Variants in CLOCK observed in about 807,000 individuals in gnomAD.
CLOCK encodes clock circadian regulator.
A neutral mutation model predicts 118.4 loss-of-function variants in CLOCK; 43 were observed. The ratio of observed to expected loss-of-function variants is 0.36; its 90% CI spans 0.28 to 0.47. The LOEUF is 0.47. CLOCK is among the 20% of genes least tolerant of loss of function. CLOCK has a pLI of 1.00. For missense variants in CLOCK, 846 were observed against 999.9 expected (o/e 0.85, Z 2.08); for synonymous variants, 326 against 339.2 (o/e 0.96, Z 0.43).
chr4:55,440,807 G>A (rs1409034021), intron 21 of CLOCK, among the ~76,000 whole-genome samples: 1 of 151,980 alleles, frequency 6.6e-6, no homozygotes, highest in Non-Finnish European at 1.5e-5. Context: ...TATACTCTGG[G>A]CTCCCTCTGC....
intron 21 of CLOCK, among the ~76,000 whole-genome samples, chr4:55,441,743 G>A (rs1723387111): frequency 6.6e-6 from 1 of 152,080 alleles, no homozygotes. Context: ...GGGGGTGAGG[G>A]ATAAAAAACT....
chr4:55,456,131 T>TA (rs1219956865), intron 12 of CLOCK, 87 bp downstream of exon 12: 33 of 1,327,856 alleles, frequency 2.5e-5, no homozygotes, highest in Middle Eastern at 2.2e-4. Flanking sequence ...AGTCCTAATT[T>TA]AAAAAAAAGT....
chr4:55,519,863 G>C (rs2110057845), intron 1 of CLOCK, among the ~76,000 whole-genome samples: 1 of 152,272 alleles, frequency 6.6e-6, no homozygotes, highest in Admixed American at 6.5e-5. Context: ...ATGATGACAG[G>C]AGGGGTGGCA....
At chr4:55,462,845 TGTGTGA>T (rs1361412264) in intron 9 of CLOCK, among the ~76,000 whole-genome samples, 12 of 28,174 alleles carry the variant, frequency 4.3e-4, no homozygotes, top group East Asian at 1.8e-3. Flanking sequence ...CACACAGATT[TGTGTGA>T]GTGTGTGTGT....
intron 1 of CLOCK, among the ~76,000 whole-genome samples, chr4:55,528,368 T>A (rs557352453): frequency 4.0e-5 from 6 of 151,766 alleles, no homozygotes; most frequent in Non-Finnish European, 8.8e-5. Flanking sequence ...AATTAATTAA[T>A]TAAATATATT....
intron 15 of CLOCK, chr4:55,452,171 A>C (rs1724517443): frequency 6.6e-6 from 1 of 152,198 alleles, no homozygotes; most frequent in Non-Finnish European, 1.5e-5. Flanking sequence ...AATGCATAGA[A>C]TAGACAAAAG....
In CLOCK at chr4:55,463,818, T is replaced by A; in HGVS notation, c.439-13A>T. On this transcript the variant is annotated splice_polypyrimidine_tract_variant and intron_variant, in intron 8 of 22. Coordinates refer to ENST00000513440, the MANE Select transcript of CLOCK (RefSeq NM_004898.4). Reference sequence around the variant, plus strand: ...CCACAAGATCAGACTGAAAAGAAAATTGTTAAAAGTAAAATAACTTCAATG... The same window carrying A: ...CCACAAGATCAGACTGAAAAGAAAAATGTTAAAAGTAAAATAACTTCAATG... 1 of 1,602,198 alleles carries A rather than the reference T, an allele frequency of 6.2e-7. No homozygotes were observed. The highest frequency in any genetic ancestry group is 8.5e-7 in the Non-Finnish European group (1 of 1,172,258).
At chr4:55,515,114 T>C (rs954182992) in intron 1 of CLOCK, among the ~76,000 whole-genome samples, 5 of 152,178 alleles carry the variant, frequency 3.3e-5, no homozygotes, top group African/African-American at 1.2e-4. Context: ...TTTTGGCAGA[T>C]TGCGTCCTTC....
At chr4:55,515,132 T>C (rs1332984010) in intron 1 of CLOCK, among the ~76,000 whole-genome samples, 2 of 152,224 alleles carry the variant, frequency 1.3e-5, no homozygotes, top group African/African-American at 4.8e-5. Flanking sequence ...TTCAAGGAAT[T>C]GGTCCATTTC....
At chr4:55,476,331 C>T (rs1265692678) in intron 6 of CLOCK, among the ~76,000 whole-genome samples, 1 of 152,112 alleles carries the variant, frequency 6.6e-6, no homozygotes, top group Non-Finnish European at 1.5e-5. Context: ...CCTGAGATTG[C>T]TTCCTATTTG....
At position 55,514,315 on chromosome 4, in the gene CLOCK, A is replaced by G. The variant is rs144856903; in HGVS notation, c.-289-4250T>C. 3.6e-3 allele frequency among the ~76,000 whole-genome samples: 555 copies of G among 152,192 alleles called. 3 individuals carry two copies. Among genetic ancestry groups the G allele is most frequent in the African/African-American group, 0.013 (528 of 41,562 alleles). On this transcript the variant is annotated intron_variant, in intron 1 of 22. Coordinates refer to ENST00000513440, the MANE Select transcript of CLOCK (RefSeq NM_004898.4). ...CCCAATACCAACACCTAATTCAGTG[A>G]CGCTCTTTACTGCATTTAGGCTGTT...
rs1722396567 is a variant in CLOCK at position 55,429,968 on chromosome 4, G to T, written c.*5447C>A. ...GTGACTGCACCCCAAATCAGAGCCA[G>T]TTCCCTAAGAAGAATATGGTGCAAA... On this transcript the variant is annotated 3_prime_UTR_variant, in exon 23 of 23. Transcript: ENST00000513440. The T allele has an allele frequency of 6.6e-6, 1 of 152,162 alleles. No homozygotes were observed. Among genetic ancestry groups the T allele is most frequent in the Admixed American group, 6.5e-5 (1 of 15,284 alleles). The allele number at this position is 152,162 out of a possible 1,614,324, so 9.4% of individuals were successfully genotyped here.
intron 13 of CLOCK, among the ~76,000 whole-genome samples, chr4:55,454,705 T>C (rs1312906271): frequency 1.3e-5 from 2 of 151,072 alleles, no homozygotes; most frequent in Non-Finnish European, 2.9e-5. Flanking sequence ...TCTCAAAACC[T>C]AGAGTATGCT....
intron 22 of CLOCK, among the ~76,000 whole-genome samples, chr4:55,437,807 T>G (rs1047163158): frequency 6.6e-6 from 1 of 152,204 alleles, no homozygotes; most frequent in African/African-American, 2.4e-5. Context: ...ATAGATATAC[T>G]ACACCTCCAT....
intron 2 of CLOCK, among the ~76,000 whole-genome samples, chr4:55,492,635 A>AT (rs1481811337): frequency 6.6e-6 from 1 of 152,152 alleles, no homozygotes; most frequent in Admixed American, 6.5e-5. Flanking sequence ...ACTTGAGGTC[A>AT]TGAGTTCAAA....
Position 55,455,963 on chromosome 4 carries a change from C to G in CLOCK, c.916G>C (p.Gly306Arg), listed in dbSNP as rs1404869999. Residue 306 changes from glycine (G) to arginine (R), a missense_variant, in exon 13 of 23, where the codon GGA becomes CGA. Physicochemically the swap from Gly to Arg is moderately radical, Grantham distance 125. Coordinates refer to ENST00000513440, the MANE Select transcript of CLOCK (RefSeq NM_004898.4). ...TGATAGTAATCATAGCCTGATGTTCCCAGAACTTCAAATGGCAAATACCCT... is the reference window on the plus strand; with the variant it reads ...TGATAGTAATCATAGCCTGATGTTCGCAGAACTTCAAATGGCAAATACCCT... ...IIGYLPFEVLGTSGYDYYHVD... is the reference protein window; with the variant it reads ...IIGYLPFEVLRTSGYDYYHVD... 6.2e-7 allele frequency: 1 copy of G among 1,613,406 alleles called. No individual in the cohort carries two copies. The highest frequency in any genetic ancestry group is 1.7e-5 in the Admixed American group (1 of 59,972).
At chr4:55,477,182 C>T (rs951975474) in intron 6 of CLOCK, among the ~76,000 whole-genome samples, 3 of 151,816 alleles carry the variant, frequency 2.0e-5, no homozygotes, top group Non-Finnish European at 2.9e-5. Context: ...AACAGAAATA[C>T]TATTTTTGTG....
intron 18 of CLOCK, among the ~76,000 whole-genome samples, chr4:55,445,466 TG>T (rs1319334426): frequency 6.6e-6 from 1 of 151,998 alleles, no homozygotes; most frequent in African/African-American, 2.4e-5. Context: ...TAGCCTGGCA[TG>T]GGGGAAGAGG....
In CLOCK at chr4:55,433,507, T is replaced by C. The variant is rs1339926550; in HGVS notation, c.*1908A>G. On this transcript the variant is annotated 3_prime_UTR_variant, in exon 23 of 23. Coordinates refer to ENST00000513440, the MANE Select transcript of CLOCK (RefSeq NM_004898.4). Reference sequence around the variant, plus strand: ...TGGCTTAGCATTCCCCTGACCTCTTTACCTAGCAATTCTGCATTAGGTTAA... The same window carrying C: ...TGGCTTAGCATTCCCCTGACCTCTTCACCTAGCAATTCTGCATTAGGTTAA... 6.6e-6 allele frequency: 1 copy of C among 152,246 alleles called. No individual in the cohort carries two copies. Among genetic ancestry groups the C allele is most frequent in the African/African-American group, 2.4e-5 (1 of 41,456 alleles). The allele number at this position is 152,246 out of a possible 1,614,324, so 9.4% of individuals were successfully genotyped here. A position where few individuals can be genotyped will look rare whatever the true frequency, so the allele number is the denominator to read the frequency against.
Sources: gnomAD v4.1 joint callset for allele counts (sites outside exome capture counted in the v4.1 genomes callset) on GRCh38, gnomAD v4.1.1 for gene constraint, MANE v1.5 for transcripts, NCBI Gene and HGNC (gene_info 2026-07-23, HGNC 2026-07-21) for gene names.